Variants in DLG2 observed in about 807,000 individuals in gnomAD.
DLG2 encodes the protein discs large MAGUK scaffold protein 2.
DLG2 carries 45 observed loss-of-function variants against 132.5 expected under a neutral mutation model. That is an observed-to-expected ratio of 0.34 (90% CI 0.27 to 0.44). DLG2 has a LOEUF of 0.44. Ranked by LOEUF, DLG2 falls within the 20% of genes least tolerant of loss-of-function variation. DLG2 has a pLI of 1.00. For synonymous variants in DLG2, 424 were observed against 419.6 expected, an observed-to-expected ratio of 1.01 and a Z score of -0.13; for missense variants, 1,045 against 1,196.9, an observed-to-expected ratio of 0.87 and a Z score of 1.87.
intron 6 of DLG2, among the ~76,000 whole-genome samples, chr11:85,049,724 A>T (rs2062708903): frequency 6.6e-6 from 1 of 152,128 alleles, no homozygotes; most frequent in African/African-American, 2.4e-5. Flanking sequence ...TACAAGAACT[A>T]TTACCATCAG....
At chr11:83,771,991 G>A (rs1013720512) in intron 18 of DLG2, among the ~76,000 whole-genome samples, 1 of 151,970 alleles carries the variant, frequency 6.6e-6, no homozygotes, top group Non-Finnish European at 1.5e-5. Context: ...AGATTATTGT[G>A]TTCCATTTTT....
intron 7 of DLG2, among the ~76,000 whole-genome samples, chr11:84,381,573 C>T (rs555626080): frequency 6.6e-6 from 1 of 152,044 alleles, no homozygotes; most frequent in African/African-American, 2.4e-5. Flanking sequence ...TAATTCAGTT[C>T]ATTAATATGA....
At chr11:84,565,292 G>A (rs1363205149) in intron 6 of DLG2, among the ~76,000 whole-genome samples, 1 of 152,116 alleles carries the variant, frequency 6.6e-6, no homozygotes, top group African/African-American at 2.4e-5. Flanking sequence ...GTCAAAAGTA[G>A]TAGAATAGGG....
intron 6 of DLG2, among the ~76,000 whole-genome samples, chr11:84,807,360 C>G (rs998971381): frequency 2.0e-4 from 31 of 151,986 alleles, no homozygotes; most frequent in African/African-American, 6.3e-4. Context: ...GCAGGAGAAT[C>G]GCTTGAACCC....
At chr11:83,673,104 C>A (rs865936859) in intron 18 of DLG2, among the ~76,000 whole-genome samples, 2 of 152,134 alleles carry the variant, frequency 1.3e-5, no homozygotes, top group South Asian at 2.1e-4. Context: ...AAAAAAAACT[C>A]TCTGTGAGGT....
chr11:84,837,025 A>C (rs1271495959), intron 6 of DLG2, among the ~76,000 whole-genome samples: 1 of 151,614 alleles, frequency 6.6e-6, no homozygotes, highest in African/African-American at 2.4e-5. Context: ...CCCACCCCAC[A>C]ACAGGCCCCA....
chr11:83,576,160 A>G (rs1159382467), intron 19 of DLG2, among the ~76,000 whole-genome samples: 2 of 152,226 alleles, frequency 1.3e-5, no homozygotes, highest in Admixed American at 1.3e-4. Flanking sequence ...TGCCTAAAAT[A>G]TTAATGAACA....
intron 3 of DLG2, among the ~76,000 whole-genome samples, chr11:85,406,291 A>G (rs2088725770): frequency 6.6e-6 from 1 of 151,930 alleles, no homozygotes; most frequent in Admixed American, 6.6e-5. Context: ...GAAGGAAAAA[A>G]GGAAGGTATC....
In DLG2 at chr11:83,458,740, A is replaced by C. The variant is rs937830412; in HGVS notation, c.*1078T>G. ...AGGTTATTTAACTAGAGGAAAGCAA[A>C]AACTTCCCTTTAGATCATTTGCATA... On this transcript the variant is annotated 3_prime_UTR_variant, in exon 28 of 28. Coordinates refer to ENST00000376104, the MANE Select transcript of DLG2 (RefSeq NM_001142699.3). 1 of 152,262 alleles carries C rather than the reference A, an allele frequency of 6.6e-6. No individual in the cohort carries two copies. The highest frequency in any genetic ancestry group is 1.5e-5 in the Non-Finnish European group (1 of 68,052). The allele number at this position is 152,262 out of a possible 1,614,324, so 9.4% of individuals were successfully genotyped here.
chr11:85,323,444 C>A (rs2081221209), intron 3 of DLG2, among the ~76,000 whole-genome samples: 1 of 152,152 alleles, frequency 6.6e-6, no homozygotes, highest in South Asian at 2.1e-4. Context: ...GTGCAATGAT[C>A]AAATAAATGA....
intron 6 of DLG2, among the ~76,000 whole-genome samples, chr11:84,977,565 A>T (rs1203048705): frequency 6.6e-6 from 1 of 152,188 alleles, no homozygotes; most frequent in African/African-American, 2.4e-5. Context: ...ACTCATGTTC[A>T]TCTAGACCTT....
intron 3 of DLG2, among the ~76,000 whole-genome samples, chr11:85,423,128 A>G (rs939449267): frequency 6.6e-6 from 1 of 152,166 alleles, no homozygotes; most frequent in Non-Finnish European, 1.5e-5. Flanking sequence ...TTGTCCTACA[A>G]GTTGTTCTCT....
intron 6 of DLG2, among the ~76,000 whole-genome samples, chr11:84,718,636 T>C (rs2061474447): frequency 6.6e-6 from 1 of 152,216 alleles, no homozygotes; most frequent in Non-Finnish European, 1.5e-5. Flanking sequence ...CTTTGTTAAA[T>C]ATCATTTAGC....
At chr11:84,487,980 T>G (rs189260974) in intron 7 of DLG2, among the ~76,000 whole-genome samples, 12 of 152,226 alleles carry the variant, frequency 7.9e-5, no homozygotes, top group African/African-American at 2.6e-4. Context: ...GAGGTAGAAT[T>G]GGATCAAATT....
intron 3 of DLG2, among the ~76,000 whole-genome samples, chr11:85,590,063 C>G (rs1001205546): frequency 6.6e-6 from 1 of 152,102 alleles, no homozygotes; most frequent in East Asian, 1.9e-4. Context: ...CACAATTATA[C>G]TTATTTAATA....
chr11:84,071,898 C>T (rs986006260), intron 10 of DLG2, among the ~76,000 whole-genome samples: 7 of 152,124 alleles, frequency 4.6e-5, no homozygotes, highest in African/African-American at 9.7e-5. Flanking sequence ...GAATCAGAGC[C>T]GAGCCTGCTG....
At chr11:85,320,519 A>G (rs2080987652) in intron 3 of DLG2, among the ~76,000 whole-genome samples, 1 of 151,954 alleles carries the variant, frequency 6.6e-6, no homozygotes, top group African/African-American at 2.4e-5. Context: ...TAAAGCTCAC[A>G]TTCAAGTGTG....
chr11:83,904,737 A>C (rs536530602), intron 15 of DLG2, among the ~76,000 whole-genome samples: 1 of 151,958 alleles, frequency 6.6e-6, no homozygotes, highest in South Asian at 2.1e-4. Flanking sequence ...TACTGTTCCT[A>C]ATAAAAGATT....
intron 6 of DLG2, among the ~76,000 whole-genome samples, chr11:84,637,012 T>A (rs1489524785): frequency 2.0e-5 from 3 of 151,984 alleles, no homozygotes; most frequent in Non-Finnish European, 4.4e-5. Flanking sequence ...GGTCTTGAAC[T>A]CCTGACCTCA....
Sources: allele counts gnomAD v4.1 joint callset (sites outside exome capture counted in the v4.1 genomes callset), GRCh38; gene constraint gnomAD v4.1.1; transcripts MANE v1.5; gene names NCBI Gene and HGNC (gene_info 2026-07-23, HGNC 2026-07-21).